MITD1: variants seen among roughly 807,000 people sequenced by gnomAD.
MITD1 encodes the protein MIT domain-containing protein 1.
A neutral mutation model predicts 34.9 loss-of-function variants in MITD1; 24 were observed. The observed-to-expected ratio is 0.69, with a 90% confidence interval of 0.50 to 0.97. The LOEUF is 0.97. Ranked by LOEUF, MITD1 falls within the 50% of genes least tolerant of loss-of-function variation. MITD1 has a pLI of 0.00. For synonymous variants in MITD1, 102 were observed against 101.4 expected (o/e 1.01, Z -0.04); for missense variants, 266 against 294.6 (o/e 0.90, Z 0.71).
At chr2:99,170,438 A>G (rs570997838) in intron 5 of MITD1, 99 bp downstream of exon 5, 41 of 290,800 alleles carry the variant, frequency 1.4e-4, no homozygotes, top group African/African-American at 8.4e-4. Flanking sequence ...TTAAATATTT[A>G]TAAATTATTA....
At chr2:99,165,014 T>C (rs1444798134), downstream of MITD1, among the ~76,000 whole-genome samples, 1 of 121,300 alleles carries the variant, frequency 8.2e-6, no homozygotes, top group South Asian at 2.7e-4. Context: ...GGAGTCAAAA[T>C]GGCATACACA....
chr2:99,175,903 C>G (rs963803449), intron 1 of MITD1, among the ~76,000 whole-genome samples: 1 of 152,164 alleles, frequency 6.6e-6, no homozygotes, highest in Non-Finnish European at 1.5e-5. Context: ...AAGCCCGCAT[C>G]GCTATTATGT....
chr2:99,171,935 C>G (rs2093860602), intron 2 of MITD1: 1 of 330,582 alleles, frequency 3.0e-6, no homozygotes, highest in African/African-American at 2.1e-5. Context: ...TCCTATAGAC[C>G]AGGCAGTTTG....
chr2:99,171,528 A>G lies in MITD1; in HGVS notation c.372T>C (p.Tyr124=). The G allele has an allele frequency of 6.2e-7, 1 of 1,610,758 alleles. No individual in the cohort carries two copies. The highest frequency in any genetic ancestry group is 2.2e-5 in the East Asian group (1 of 44,760). Residue 124 remains tyrosine (Y), a synonymous_variant, in exon 3 of 7, where the codon TAT becomes TAC. Transcript: ENST00000289359. ...TVTEVWIEDP[Y]IRHTHQLYNF... Reference sequence around the variant, plus strand: ...CACATACCTGATGAGTATGTCTAATATAAGGATCTTCTATCCAAACTTCTG... The same window carrying G: ...CACATACCTGATGAGTATGTCTAATGTAAGGATCTTCTATCCAAACTTCTG...
chr2:99,169,333 A>C lies in MITD1; in HGVS notation c.*42T>G, dbSNP rs1446905668. 3.0e-6 allele frequency: 3 copies of C among 998,316 alleles called. No homozygotes were observed. In the South Asian group the frequency reaches 4.4e-5, roughly 15 times the overall value. The allele number at this position is 998,316 out of a possible 1,614,324, so 61.8% of individuals were successfully genotyped here. A position where few individuals can be genotyped will look rare whatever the true frequency, so the allele number is the denominator to read the frequency against. On this transcript the variant is annotated 3_prime_UTR_variant, in exon 7 of 7. Transcript: ENST00000289359. ...AGTGATCTTTTAAAAAAAATCCAAT[A>C]TTCACTTAAAGTAGACATAATACAA... is the stretch of plus-strand genomic sequence containing the variant.
chr2:99,172,725 A>C (rs1200447606), intron 2 of MITD1: 6 of 152,050 alleles, frequency 3.9e-5, no homozygotes, highest in Non-Finnish European at 8.8e-5. Flanking sequence ...TCTACTAAAA[A>C]TACAAAAATG....
Position 99,169,350 on chromosome 2 carries a change from A to G in MITD1, c.*25T>C. On this transcript the variant is annotated 3_prime_UTR_variant, in exon 7 of 7. Coordinates refer to ENST00000289359, the MANE Select transcript of MITD1 (RefSeq NM_138798.3). The stretch of plus-strand genomic sequence containing the variant: ...AATCCAATATTCACTTAAAGTAGAC[A>G]TAATACAAATTAGGCTACCACCCAT... The G allele has an allele frequency of 5.1e-6, 6 of 1,165,504 alleles. No individual in the cohort carries two copies. In the South Asian group the frequency reaches 8.0e-5, roughly 15 times the overall value. 72.2% of individuals were successfully genotyped at this position (1,165,504 alleles called of 1,614,324 possible).
downstream of MITD1, among the ~76,000 whole-genome samples, chr2:99,167,472 G>A (rs139192412): frequency 9.8e-4 from 149 of 152,310 alleles, 1 homozygote; most frequent in East Asian, 0.027. Context: ...TAGCATGTCT[G>A]TAGACTCTTT....
chr2:99,162,611 G>T, intron 7 of MITD1: 2 of 1,614,104 alleles, frequency 1.2e-6, no homozygotes, highest in Non-Finnish European at 1.7e-6. Context: ...TTTTGGAAAA[G>T]GATCCCACTC....
intron 5 of MITD1, among the ~76,000 whole-genome samples, chr2:99,170,134 G>T (rs1186314717): frequency 6.6e-6 from 1 of 152,160 alleles, no homozygotes; most frequent in Non-Finnish European, 1.5e-5. Flanking sequence ...TATAGACTCA[G>T]CAAATTGTCA....
chr2:99,175,170 C>G (rs74475100), intron 1 of MITD1, among the ~76,000 whole-genome samples: 3,475 of 151,196 alleles, frequency 0.023, 65 homozygotes, highest in Middle Eastern at 0.068. Context: ...CTACAAGTAT[C>G]AGAGCTAGGA....
chr2:99,173,548 A>T, intron 2 of MITD1: 1 of 464,890 alleles, frequency 2.2e-6, no homozygotes, highest in Non-Finnish European at 4.4e-6. Context: ...TAAATAAAAT[A>T]CACAATTTAC....
intron 7 of MITD1, chr2:99,162,671 T>C: frequency 6.2e-7 from 1 of 1,614,132 alleles, no homozygotes; most frequent in Non-Finnish European, 8.5e-7. Flanking sequence ...ATGCTGCTTA[T>C]CATCAAATTG....
intron 1 of MITD1, among the ~76,000 whole-genome samples, chr2:99,176,807 T>G (rs1038999737): frequency 6.6e-6 from 1 of 152,154 alleles, no homozygotes; most frequent in African/African-American, 2.4e-5. Flanking sequence ...AAACTCATCT[T>G]GTTTATTTTT....
intron 2 of MITD1, 182 bp from the exon 3 acceptor site, chr2:99,171,828 ATT>A (rs1388146303): frequency 2.4e-5 from 14 of 594,808 alleles, no homozygotes; most frequent in Non-Finnish European, 3.7e-5. Flanking sequence ...GTACAAAGGT[ATT>A]TAAGGCAAAC....
chr2:99,163,126 C>T (rs775460520), intron 7 of MITD1: 341 of 1,287,902 alleles, frequency 2.6e-4, no homozygotes, highest in Non-Finnish European at 3.4e-4. Context: ...AATAAAATGT[C>T]TCATACTTGC....
intron 7 of MITD1, chr2:99,162,656 A>C: frequency 1.2e-6 from 2 of 1,614,154 alleles, no homozygotes; most frequent in Non-Finnish European, 1.7e-6. Context: ...CTGTTGCTAC[A>C]GAGTATGCTG....
chr2:99,172,258 G>A (rs1483523013), intron 2 of MITD1: 1 of 152,070 alleles, frequency 6.6e-6, no homozygotes, highest in Non-Finnish European at 1.5e-5. Context: ...CATGATGTCA[G>A]GTGCCTGTAG....
At chr2:99,167,044 T>A (rs1480118150), downstream of MITD1, among the ~76,000 whole-genome samples, 1 of 151,754 alleles carries the variant, frequency 6.6e-6, no homozygotes. Flanking sequence ...TCCACTAACT[T>A]AAAATGTCAC....
Sources: gnomAD v4.1 joint callset for allele counts (sites outside exome capture counted in the v4.1 genomes callset) on GRCh38, gnomAD v4.1.1 for gene constraint, MANE v1.5 for transcripts, NCBI Gene and HGNC (gene_info 2026-07-23, HGNC 2026-07-21) for gene names.